Variants in SLC1A2 observed in about 807,000 individuals in gnomAD.
The protein encoded by SLC1A2 is excitatory amino acid transporter 2.
SLC1A2 carries 15 observed loss-of-function variants against 48.8 expected under a neutral mutation model. That is an observed-to-expected ratio of 0.31 (90% CI 0.21 to 0.47). SLC1A2 has a LOEUF of 0.47. Among genes scored for constraint, SLC1A2 ranks in the 20% least tolerant of loss-of-function variants. SLC1A2 has a pLI of 0.99. For synonymous variants in SLC1A2, 279 were observed against 272.6 expected, an observed-to-expected ratio of 1.02 and a Z score of -0.23; for missense variants, 502 against 730.5, an observed-to-expected ratio of 0.69 and a Z score of 3.61.
Position 35,331,013 on chromosome 11 carries a change from T to C in SLC1A2, c.18-13497A>G, listed in dbSNP as rs1565250055. On this transcript the variant is annotated intron_variant, in intron 1 of 10. Coordinates refer to ENST00000278379, the MANE Select transcript of SLC1A2 (RefSeq NM_004171.4). ...CAGACCTTATGCTACACTATCTCAT[T>C]TGTTGTTTACAAAAAGCCTCAGCAG... is the stretch of plus-strand genomic sequence containing the variant. Among the ~76,000 whole-genome samples the C allele has an allele frequency of 3.3e-5, 5 of 152,196 alleles. 1 individual carries two copies. Among genetic ancestry groups the C allele is most frequent in the Admixed American group, 2.6e-4 (4 of 15,286 alleles).
intron 7 of SLC1A2, among the ~76,000 whole-genome samples, chr11:35,289,216 ATG>A (rs1565216754): frequency 2.6e-5 from 4 of 151,900 alleles, no homozygotes; most frequent in Non-Finnish European, 4.4e-5. Context: ...TTGAGAAAAG[ATG>A]TTCAACTACC....
chr11:35,401,945 C>A (rs952956968), intron 1 of SLC1A2, among the ~76,000 whole-genome samples: 4 of 152,116 alleles, frequency 2.6e-5, no homozygotes, highest in African/African-American at 9.7e-5. Context: ...CTTGAAATAT[C>A]TTTTACTTCC....
intron 1 of SLC1A2, among the ~76,000 whole-genome samples, chr11:35,337,568 T>G (rs1335347716): frequency 6.6e-6 from 1 of 152,154 alleles, no homozygotes; most frequent in Non-Finnish European, 1.5e-5. Flanking sequence ...TAACTACACC[T>G]GCATGTTCAA....
chr11:35,397,003 A>C (rs1197702379), intron 1 of SLC1A2, among the ~76,000 whole-genome samples: 19 of 150,742 alleles, frequency 1.3e-4, no homozygotes, highest in Non-Finnish European at 2.4e-4. Context: ...GGAGAACTAC[A>C]AACCACTGCT....
intron 1 of SLC1A2, chr11:35,418,681 T>C: frequency 2.0e-6 from 1 of 502,362 alleles, no homozygotes; most frequent in Non-Finnish European, 3.5e-6. Context: ...AGAGGATTTC[T>C]TCCTCACACT....
At chr11:35,393,035 G>A (rs1469708495) in intron 1 of SLC1A2, among the ~76,000 whole-genome samples, 1 of 152,164 alleles carries the variant, frequency 6.6e-6, no homozygotes, top group African/African-American at 2.4e-5. Flanking sequence ...ACTTTATGGT[G>A]GGAGTCTATG....
intron 1 of SLC1A2, among the ~76,000 whole-genome samples, chr11:35,346,131 A>C (rs1168404854): frequency 1.3e-5 from 2 of 151,824 alleles, no homozygotes; most frequent in African/African-American, 4.8e-5. Flanking sequence ...ATAGGTATGC[A>C]TGTGCCATGG....
At chr11:35,264,569 T>A (rs1163326171) in intron 10 of SLC1A2, among the ~76,000 whole-genome samples, 1 of 152,200 alleles carries the variant, frequency 6.6e-6, no homozygotes, top group Non-Finnish European at 1.5e-5. Context: ...ACAGAGCCCA[T>A]CAAGCTTGAA....
In SLC1A2 at chr11:35,254,331, T is replaced by G; in HGVS notation, c.*6563A>C. 6.4e-6 allele frequency: 1 copy of G among 157,004 alleles called. No individual in the cohort carries two copies. The allele number at this position is 157,004 out of a possible 1,614,324, so 9.7% of individuals were successfully genotyped here. On this transcript the variant is annotated 3_prime_UTR_variant, in exon 11 of 11. Transcript: ENST00000278379. Reference sequence around the variant, plus strand: ...CCAGGAGAAAGAGAAAGGGAGGGAGTTAAGGTGATTTGTAGAAAAATCTAG... The same window carrying G: ...CCAGGAGAAAGAGAAAGGGAGGGAGGTAAGGTGATTTGTAGAAAAATCTAG...
intron 1 of SLC1A2, among the ~76,000 whole-genome samples, chr11:35,328,374 A>G (rs1022789220): frequency 2.6e-5 from 4 of 152,212 alleles, no homozygotes; most frequent in African/African-American, 9.6e-5. Context: ...GACAGCAGCT[A>G]ACATTTACTC....
Position 35,390,365 on chromosome 11 carries a change from T to C in SLC1A2, c.17+28585A>G, listed in dbSNP as rs543865354. Among the ~76,000 whole-genome samples, 29 of 152,316 alleles carry C rather than the reference T, an allele frequency of 1.9e-4. 1 individual carries two copies. In the South Asian group the frequency reaches 3.5e-3, roughly 19 times the overall value. On this transcript the variant is annotated intron_variant, in intron 1 of 10. Coordinates refer to ENST00000278379, the MANE Select transcript of SLC1A2 (RefSeq NM_004171.4). ...CCTTCCTACATGTAGTGTACCCTGA[T>C]AGTTTCTATTCTCCTCCATTTCATT...
intron 1 of SLC1A2, among the ~76,000 whole-genome samples, chr11:35,335,463 G>C (rs1022693650): frequency 6.6e-6 from 1 of 152,174 alleles, no homozygotes; most frequent in African/African-American, 2.4e-5. Context: ...CCTCTGGCCT[G>C]TAATCACTCA....
At chr11:35,288,015 C>A (rs567579916) in intron 7 of SLC1A2, among the ~76,000 whole-genome samples, 2 of 152,266 alleles carry the variant, frequency 1.3e-5, no homozygotes, top group South Asian at 4.1e-4. Context: ...GTCAAAGTTT[C>A]CTCCTTCTAC....
Position 35,326,629 on chromosome 11 carries a change from T to C in SLC1A2, c.18-9113A>G, listed in dbSNP as rs79079617. On this transcript the variant is annotated intron_variant, in intron 1 of 10. Transcript: ENST00000278379. ...CTAGACTGAGCAGCCAACCAGGCAA[T>C]GTAGCATCAATCCCAAGCAAGAAGG... Among the ~76,000 whole-genome samples the C allele has an allele frequency of 9.7e-4, 147 of 152,308 alleles. 3 individuals carry two copies. In the East Asian group the frequency reaches 0.024, roughly 25 times the overall value.
chr11:35,302,473 C>T (rs1209240560), intron 5 of SLC1A2, among the ~76,000 whole-genome samples: 1 of 152,212 alleles, frequency 6.6e-6, no homozygotes, highest in South Asian at 2.1e-4. Flanking sequence ...TCCAGCCTCA[C>T]ATCAGCCTTT....
chr11:35,302,849 C>T (rs1171432041), intron 5 of SLC1A2, among the ~76,000 whole-genome samples: 1 of 149,740 alleles, frequency 6.7e-6, no homozygotes, highest in African/African-American at 2.5e-5. Context: ...AATTTCCAAT[C>T]CCCATGTGCT....
intron 1 of SLC1A2, among the ~76,000 whole-genome samples, chr11:35,320,499 G>T (rs1215808558): frequency 6.6e-6 from 1 of 152,198 alleles, no homozygotes; most frequent in Non-Finnish European, 1.5e-5. Flanking sequence ...CCCAGAAGGG[G>T]CCGAGACCTG....
In SLC1A2 at chr11:35,265,702, A is replaced by G. The variant is rs1350505195; in HGVS notation, c.1478T>C (p.Val493Ala). 1 of 1,614,110 alleles carries G rather than the reference A, an allele frequency of 6.2e-7. No homozygotes were observed. The highest frequency in any genetic ancestry group is 1.3e-5 in the African/African-American group (1 of 75,070). Reference protein sequence around the residue: ...VVGDSFGAGIVYHLSKSELDT... With the variant: ...VVGDSFGAGIAYHLSKSELDT... ...CAGCTCAGACTTGGAGAGGTGATAG[A>G]CTATCCCAGCCCCAAAAGAGTCACC... Residue 493 changes from valine (V) to alanine (A), a missense_variant, in exon 10 of 11, where the codon GTC (valine) becomes GCC (alanine). Val to Ala is a moderately conservative substitution (Grantham distance 64). Around this residue, in one of 4 missense-constraint regions of SLC1A2, gnomAD observed 102 missense variants for 107.2 expected, o/e 0.95. Transcript: ENST00000278379.
intron 1 of SLC1A2, chr11:35,380,321 CT>C: frequency 2.5e-6 from 1 of 398,562 alleles, no homozygotes; most frequent in Non-Finnish European, 4.4e-6. Flanking sequence ...AAGGCCTTGG[CT>C]TTTGCTTTGC....
Sources: allele counts gnomAD v4.1 joint callset (sites outside exome capture counted in the v4.1 genomes callset), GRCh38; gene constraint gnomAD v4.1.1; regional missense constraint gnomAD v4.1.1; transcripts MANE v1.5; gene names NCBI Gene and HGNC (gene_info 2026-07-23, HGNC 2026-07-21).